The following NCOA1 variants were observed in gnomAD, a reference collection of about 807,000 sequenced individuals.
NCOA1 encodes Hin-2 protein.
Under a neutral mutation model 150.9 loss-of-function variants are expected in NCOA1, and 35 were observed. The observed-to-expected ratio is 0.23, with a 90% CI of 0.18 to 0.31. NCOA1 has a LOEUF of 0.31. Ranked by LOEUF, NCOA1 falls within the 10% of genes least tolerant of loss-of-function variation. The pLI is 1.00. For synonymous variants in NCOA1, 590 were observed against 630.0 expected (o/e 0.94, Z 0.95); for missense variants, 1,491 against 1,749.3 (o/e 0.85, Z 2.63).
chr2:24,568,896 T>C (rs992371755), intron 2 of NCOA1, among the ~76,000 whole-genome samples: 1 of 152,218 alleles, frequency 6.6e-6, no homozygotes, highest in Non-Finnish European at 1.5e-5. Context: ...TGTTACTGTT[T>C]ATCACTGAAA....
chr2:24,766,909 T>C (rs1413674044), intron 22 of NCOA1, among the ~76,000 whole-genome samples: 2 of 151,792 alleles, frequency 1.3e-5, no homozygotes, highest in Non-Finnish European at 2.9e-5. Context: ...TGGGAGCATA[T>C]AGGAGCTAGA....
At chr2:24,751,775 CT>C (rs556353724) in intron 19 of NCOA1, among the ~76,000 whole-genome samples, 227 of 152,178 alleles carry the variant, frequency 1.5e-3, no homozygotes, top group African/African-American at 5.3e-3. Context: ...TTGGTTTATG[CT>C]GAGATTTCTT....
intron 1 of NCOA1, among the ~76,000 whole-genome samples, chr2:24,492,973 A>AAAAAC (rs1572341498): frequency 6.6e-6 from 1 of 151,666 alleles, no homozygotes; most frequent in Non-Finnish European, 1.5e-5. Context: ...CTCAAAAAAA[A>AAAAAC]AGCAAACAAA....
intron 17 of NCOA1, among the ~76,000 whole-genome samples, chr2:24,734,135 C>T (rs1402269060): frequency 8.6e-5 from 13 of 150,954 alleles, no homozygotes; most frequent in Non-Finnish European, 1.6e-4. Flanking sequence ...CAAGATTGTG[C>T]CATTGCACTC....
intron 1 of NCOA1, among the ~76,000 whole-genome samples, chr2:24,528,413 C>A (rs1664739672): frequency 7.3e-6 from 1 of 136,898 alleles, no homozygotes; most frequent in African/African-American, 2.7e-5. Flanking sequence ...GTGGTTTGAT[C>A]TTGGCTCACT....
intron 2 of NCOA1, among the ~76,000 whole-genome samples, chr2:24,576,163 G>GGTTTTTTTTTT (rs1666961530): frequency 2.2e-5 from 2 of 92,734 alleles, no homozygotes; most frequent in Non-Finnish European, 4.3e-5. Flanking sequence ...TTTTTTTTTT[G>GGTTTTTTTTTT]TTTTTTGTTT....
intron 3 of NCOA1, among the ~76,000 whole-genome samples, chr2:24,591,121 G>A (rs1351945492): frequency 1.3e-5 from 2 of 152,096 alleles, no homozygotes; most frequent in African/African-American, 2.4e-5. Context: ...AAATAGTAAT[G>A]TAATTGGAAA....
chr2:24,725,936 A>G (rs764712223), intron 14 of NCOA1, among the ~76,000 whole-genome samples: 1 of 152,112 alleles, frequency 6.6e-6, no homozygotes, highest in Non-Finnish European at 1.5e-5. Context: ...ATTTTTTTCT[A>G]GTATAAATAG....
intron 1 of NCOA1, among the ~76,000 whole-genome samples, chr2:24,539,867 G>C (rs1351407887): frequency 6.6e-6 from 1 of 152,292 alleles, no homozygotes; most frequent in South Asian, 2.1e-4. Context: ...TGCAACATGA[G>C]CAACCAAGCA....
chr2:24,748,591 G>A (rs1328584000), intron 19 of NCOA1, among the ~76,000 whole-genome samples: 1 of 144,924 alleles, frequency 6.9e-6, no homozygotes, highest in East Asian at 2.0e-4. Context: ...ACTCCAGCCT[G>A]GGCAACAAGA....
chr2:24,578,974 CTT>C (rs1572443398), intron 2 of NCOA1, among the ~76,000 whole-genome samples: 1 of 151,986 alleles, frequency 6.6e-6, no homozygotes, highest in Non-Finnish European at 1.5e-5. Flanking sequence ...GGGACTGTAT[CTT>C]TTTTTGTTCT....
chr2:24,576,156 T>TTTG (rs1269808675), intron 2 of NCOA1, among the ~76,000 whole-genome samples: 48 of 94,498 alleles, frequency 5.1e-4, no homozygotes, highest in Non-Finnish European at 6.2e-4. Context: ...TTTGTTTTTT[T>TTTG]TTTTTTGTTT....
At position 24,504,248 on chromosome 2, in the gene NCOA1, A is replaced by G. The variant is rs931250804; in HGVS notation, c.-396+12646A>G. The stretch of plus-strand genomic sequence containing the variant: ...TGGGCTTTGGAATGTTGCTTATGGC[A>G]TAGTCCCATGGAACATGATAAAAGC... On this transcript the variant is annotated intron_variant, in intron 1 of 22. Transcript: ENST00000348332. 5.3e-5 allele frequency among the ~76,000 whole-genome samples: 8 copies of G among 152,354 alleles called. No homozygotes were observed. In the South Asian group the frequency reaches 6.2e-4, roughly 12 times the overall value.
At chr2:24,565,003 G>T (rs904776461) in intron 2 of NCOA1, among the ~76,000 whole-genome samples, 2 of 152,040 alleles carry the variant, frequency 1.3e-5, no homozygotes, top group Non-Finnish European at 2.9e-5. Context: ...TAAATTTATT[G>T]TTAAGGATTT....
intron 10 of NCOA1, among the ~76,000 whole-genome samples, chr2:24,694,398 A>AT (rs1558293123): frequency 1.3e-5 from 2 of 152,208 alleles, no homozygotes; most frequent in African/African-American, 4.8e-5. Flanking sequence ...TTTAAAAATA[A>AT]TTTCTTCTGA....
rs968857616 is a variant in NCOA1 at position 24,744,853 on chromosome 2, CTT to C, written c.3706+2669_3706+2670del. Among the ~76,000 whole-genome samples, 7 of 152,212 alleles carry C rather than the reference CTT, an allele frequency of 4.6e-5. No homozygotes were observed. The East Asian group carries it at 1.2e-3, about 25-fold the overall frequency. ...TAGAAGAGTTGAGTAGTTAAAGAAA[CTT>C]TATGGCCTACAAAACTGAAAACATG... On this transcript the variant is annotated intron_variant, in intron 19 of 22. Coordinates refer to ENST00000348332, the MANE Select transcript of NCOA1 (RefSeq NM_003743.5).
chr2:24,637,128 A>G (rs1669973644), intron 3 of NCOA1, among the ~76,000 whole-genome samples: 1 of 151,080 alleles, frequency 6.6e-6, no homozygotes, highest in Non-Finnish European at 1.5e-5. Flanking sequence ...CATGTGCACA[A>G]TGTGCAGGTT....
intron 2 of NCOA1, among the ~76,000 whole-genome samples, chr2:24,570,440 T>C (rs949410876): frequency 2.6e-5 from 4 of 152,202 alleles, no homozygotes; most frequent in Non-Finnish European, 5.9e-5. Flanking sequence ...TATATTTAAA[T>C]CCGTGAGTTC....
Position 24,672,608 on chromosome 2 carries a change from G to A in NCOA1, c.257-758G>A, listed in dbSNP as rs117240266. On this transcript the variant is annotated intron_variant, in intron 6 of 22. Transcript: ENST00000348332. ...ATAAAGGACTCGCTATGTTGCCCAG[G>A]CTGTTCTCAAACTCCTGGCCTCAAG... is the stretch of plus-strand genomic sequence containing the variant. Among the ~76,000 whole-genome samples the A allele has an allele frequency of 6.0e-4, 91 of 152,168 alleles. No individual in the cohort carries two copies. The East Asian group carries it at 0.015, about 26-fold the overall frequency.
Sources: gnomAD v4.1 joint callset for allele counts (sites outside exome capture counted in the v4.1 genomes callset) on GRCh38, gnomAD v4.1.1 for gene constraint, MANE v1.5 for transcripts, NCBI Gene and HGNC (gene_info 2026-07-23, HGNC 2026-07-21) for gene names.